RABGAP1L: variants seen among roughly 807,000 people sequenced by gnomAD.
RABGAP1L encodes the protein RAB GTPase activating protein 1 like.
In RABGAP1L, 63 loss-of-function variants were observed where a neutral mutation model predicts 137.7. The ratio of observed to expected loss-of-function variants is 0.46; its 90% CI spans 0.37 to 0.56. The LOEUF is 0.56. Among genes scored for constraint, RABGAP1L ranks in the 20% least tolerant of loss-of-function variants. RABGAP1L has a pLI of 0.00. For missense variants in RABGAP1L, 1,095 were observed against 1,244.0 expected, an observed-to-expected ratio of 0.88 and a Z score of 1.80; for synonymous variants, 431 against 433.7, an observed-to-expected ratio of 0.99 and a Z score of 0.08.
chr1:174,709,167 G>A lies in RABGAP1L; in HGVS notation c.2169+6911G>A, dbSNP rs185990247. Among the ~76,000 whole-genome samples, 54 of 152,340 alleles carry A rather than the reference G, an allele frequency of 3.5e-4. 1 individual carries two copies. The East Asian group carries it at 5.4e-3, about 15-fold the overall frequency. Reference sequence around the variant, plus strand: ...GGGCATCTCTGAAAGAAAGGCAGCAGCCCCAGTCAGAGGCTTATAGATAAA... The same window carrying A: ...GGGCATCTCTGAAAGAAAGGCAGCAACCCCAGTCAGAGGCTTATAGATAAA... On this transcript the variant is annotated intron_variant, in intron 17 of 25. Coordinates refer to ENST00000681986, the MANE Select transcript of RABGAP1L (RefSeq NM_001366446.1).
At chr1:174,272,360 C>G in intron 7 of RABGAP1L, 54 bp from the exon 8 acceptor site, 3 of 1,556,662 alleles carry the variant, frequency 1.9e-6, no homozygotes, top group Non-Finnish European at 1.7e-6. Flanking sequence ...GCTCACTGGG[C>G]TTCTATATAT....
At chr1:174,669,979 T>A (rs954088598) in intron 14 of RABGAP1L, among the ~76,000 whole-genome samples, 3 of 152,156 alleles carry the variant, frequency 2.0e-5, no homozygotes, top group Non-Finnish European at 4.4e-5. Context: ...TGTGGTTCAA[T>A]ATAAATCTTA....
intron 19 of RABGAP1L, among the ~76,000 whole-genome samples, chr1:174,863,843 G>C (rs1336898526): frequency 6.6e-6 from 1 of 151,740 alleles, no homozygotes; most frequent in African/African-American, 2.4e-5. Flanking sequence ...AGCCGGGAGT[G>C]GTGGTGTGTG....
intron 19 of RABGAP1L, among the ~76,000 whole-genome samples, chr1:174,904,540 C>G (rs1658711415): frequency 6.6e-6 from 1 of 152,204 alleles, no homozygotes; most frequent in Non-Finnish European, 1.5e-5. Context: ...ACTATCATCC[C>G]TAGCTCTGAA....
chr1:174,985,443 C>T (rs778519398), intron 24 of RABGAP1L, among the ~76,000 whole-genome samples: 1 of 152,052 alleles, frequency 6.6e-6, no homozygotes, highest in South Asian at 2.1e-4. Flanking sequence ...ATGATAAGGT[C>T]GCAAACAGGT....
intron 1 of RABGAP1L, among the ~76,000 whole-genome samples, chr1:174,181,573 G>A (rs1221628589): frequency 6.6e-6 from 1 of 152,074 alleles, no homozygotes; most frequent in Non-Finnish European, 1.5e-5. Flanking sequence ...TCATGACCTC[G>A]TGATCTGCCC....
intron 10 of RABGAP1L, among the ~76,000 whole-genome samples, chr1:174,300,443 T>A (rs1471149485): frequency 6.8e-6 from 1 of 146,082 alleles, no homozygotes; most frequent in African/African-American, 2.6e-5. Flanking sequence ...GAGAATCCCT[T>A]GAACTCGGTG....
intron 19 of RABGAP1L, among the ~76,000 whole-genome samples, chr1:174,910,636 G>A (rs1328335445): frequency 6.6e-6 from 1 of 152,122 alleles, no homozygotes; most frequent in Non-Finnish European, 1.5e-5. Context: ...GTTTGTAGAT[G>A]ACATGATCTT....
chr1:174,187,632 G>A (rs1197253943), intron 1 of RABGAP1L, among the ~76,000 whole-genome samples: 1 of 151,992 alleles, frequency 6.6e-6, no homozygotes, highest in Non-Finnish European at 1.5e-5. Flanking sequence ...AGAGAATAAT[G>A]CAAATTTACT....
chr1:174,272,374 T>C (rs1288423845), intron 7 of RABGAP1L, 40 bp from the exon 8 acceptor site: 2 of 1,594,820 alleles, frequency 1.3e-6, no homozygotes, highest in East Asian at 2.3e-5. Flanking sequence ...TATATATTCT[T>C]GATACCTTAT....
intron 14 of RABGAP1L, among the ~76,000 whole-genome samples, chr1:174,665,453 C>T (rs557830518): frequency 3.4e-5 from 5 of 146,500 alleles, no homozygotes; most frequent in East Asian, 2.0e-4. Context: ...CGCCCCGCCT[C>T]GCCTTGCCTC....
At chr1:174,453,528 T>C (rs950026909) in intron 13 of RABGAP1L, among the ~76,000 whole-genome samples, 20 of 152,208 alleles carry the variant, frequency 1.3e-4, no homozygotes, top group African/African-American at 4.8e-4. Flanking sequence ...ATTCTGAGCA[T>C]AGATAGCATC....
intron 17 of RABGAP1L, among the ~76,000 whole-genome samples, chr1:174,706,847 TTCTG>T (rs771397969): frequency 1.3e-5 from 2 of 152,336 alleles, no homozygotes; most frequent in African/African-American, 2.4e-5. Context: ...ACGAACTCTT[TTCTG>T]TCTAACTTTT....
chr1:174,735,998 T>C (rs1277169590), intron 17 of RABGAP1L, among the ~76,000 whole-genome samples: 1 of 152,182 alleles, frequency 6.6e-6, no homozygotes, highest in Non-Finnish European at 1.5e-5. Flanking sequence ...CGAGGATGAA[T>C]ATCCAGCCCA....
At chr1:174,242,145 T>C (rs1242900601) in intron 5 of RABGAP1L, among the ~76,000 whole-genome samples, 1 of 152,254 alleles carries the variant, frequency 6.6e-6, no homozygotes, top group African/African-American at 2.4e-5. Flanking sequence ...TCAGAGGCTA[T>C]ATTTTGCTCC....
chr1:174,247,391 C>G (rs1672355898), intron 5 of RABGAP1L, among the ~76,000 whole-genome samples: 1 of 152,114 alleles, frequency 6.6e-6, no homozygotes, highest in African/African-American at 2.4e-5. Context: ...GTGGCATCTC[C>G]ACAGTGGGGA....
chr1:174,815,043 C>G (rs1238669808), intron 19 of RABGAP1L, among the ~76,000 whole-genome samples: 1 of 152,044 alleles, frequency 6.6e-6, no homozygotes, highest in South Asian at 2.1e-4. Context: ...CAAGAAAATC[C>G]CCAAACCAAA....
At chr1:174,324,844 C>T (rs888379318) in intron 11 of RABGAP1L, among the ~76,000 whole-genome samples, 6 of 152,056 alleles carry the variant, frequency 3.9e-5, no homozygotes, top group Non-Finnish European at 4.4e-5. Flanking sequence ...AAGATAAAGA[C>T]CAAAATCTGT....
At chr1:174,717,258 A>C (rs1009538426) in intron 17 of RABGAP1L, among the ~76,000 whole-genome samples, 1 of 152,072 alleles carries the variant, frequency 6.6e-6, no homozygotes, top group Non-Finnish European at 1.5e-5. Flanking sequence ...AAAAGTTAAA[A>C]AATTTAGGTA....
Sources: allele counts gnomAD v4.1 joint callset (sites outside exome capture counted in the v4.1 genomes callset), GRCh38; gene constraint gnomAD v4.1.1; transcripts MANE v1.5; gene names NCBI Gene and HGNC (gene_info 2026-07-23, HGNC 2026-07-21).